Variants in ARV1 observed in about 807,000 individuals in gnomAD.
The protein encoded by ARV1 is protein ARV1.
ARV1 carries 26 observed loss-of-function variants against 31.1 expected under a neutral mutation model. The ratio of observed to expected loss-of-function variants is 0.84; its 90% confidence interval spans 0.61 to 1.16. The LOEUF is 1.16. Among genes scored for constraint, ARV1 ranks in the 50% most tolerant of loss-of-function variants. The probability of loss-of-function intolerance (pLI) is 0.00; values close to 1 mark genes in which losing one functional copy is unlikely to be tolerated. For synonymous variants in ARV1, 117 were observed against 123.2 expected, an observed-to-expected ratio of 0.95 and a Z score of 0.34; for missense variants, 281 against 324.9, an observed-to-expected ratio of 0.86 and a Z score of 1.04.
intron 3 of ARV1, among the ~76,000 whole-genome samples, chr1:230,991,016 G>T (rs1679214717): frequency 6.6e-6 from 1 of 152,120 alleles, no homozygotes; most frequent in Admixed American, 6.6e-5. Context: ...ATAGGGTTTG[G>T]TATTTTTTGT....
Position 230,995,815 on chromosome 1 carries a change from GA to G in ARV1, c.505del (p.Thr169ArgfsTer12). ...CCTTCCTGTGGGTAGAACGGCCCAT[GA>G]CGGCAAAAAAAAAGCCCAACTTCAT... ...FTFLWVERPM[T>X]AKKKPNFILL... On this transcript the variant is annotated frameshift_variant, in exon 4 of 6. Transcript: ENST00000310256. LOFTEE classifies it high-confidence loss of function. 1 of 1,613,840 alleles carries G rather than the reference GA, an allele frequency of 6.2e-7. No individual in the cohort carries two copies. Among genetic ancestry groups the G allele is most frequent in the Non-Finnish European group, 8.5e-7 (1 of 1,179,958 alleles).
intron 1 of ARV1, among the ~76,000 whole-genome samples, chr1:230,984,137 C>T (rs1178380829): frequency 6.6e-6 from 1 of 152,146 alleles, no homozygotes; most frequent in Non-Finnish European, 1.5e-5. Flanking sequence ...GTAGCCCCAA[C>T]TACTCAGGAG....
intron 1 of ARV1, among the ~76,000 whole-genome samples, chr1:230,987,271 T>A (rs1326651618): frequency 6.6e-6 from 1 of 152,230 alleles, no homozygotes; most frequent in Non-Finnish European, 1.5e-5. Context: ...GCATGCAATT[T>A]AAAACTTATG....
chr1:230,990,095 G>A lies in ARV1; in HGVS notation c.295-15G>A, dbSNP rs1236564105. The A allele has an allele frequency of 6.3e-7, 1 of 1,596,862 alleles. No individual in the cohort carries two copies. Reference sequence around the variant, plus strand: ...TTTCCTTACCTAATTGAATGGCAATGTCTTTGACTATCAGATCCATGGAAA... The same window carrying A: ...TTTCCTTACCTAATTGAATGGCAATATCTTTGACTATCAGATCCATGGAAA... On this transcript the variant is annotated splice_polypyrimidine_tract_variant and intron_variant, in intron 2 of 5. Transcript: ENST00000310256.
Position 230,984,367 on chromosome 1 carries a change from T to TGCGC in ARV1, c.175-3952_175-3951insCGCG, listed in dbSNP as rs546399640. ...TCGTGTGTGTGTGTGTGTGTGCGTG[T>TGCGC]GTGTGTGTGTGTGTGTGTGTGTGTG... On this transcript the variant is annotated intron_variant, in intron 1 of 5. Transcript: ENST00000310256. Among the ~76,000 whole-genome samples, 238 of 124,354 alleles carry TGCGC rather than the reference T, an allele frequency of 1.9e-3. 1 individual carries two copies. The highest frequency in any genetic ancestry group is 7.9e-3 in the Middle Eastern group (2 of 252). 81.6% of individuals were successfully genotyped at this position (124,354 alleles called of 152,430 possible). A position where few individuals can be genotyped will look rare whatever the true frequency, so the allele number is the denominator to read the frequency against.
At chr1:230,985,226 GA>G (rs1366812831) in intron 1 of ARV1, among the ~76,000 whole-genome samples, 1 of 152,172 alleles carries the variant, frequency 6.6e-6, no homozygotes, top group Non-Finnish European at 1.5e-5. Context: ...GCTAAGAAGG[GA>G]AATGGGCAAA....
rs200832898 is a variant in ARV1 at position 230,980,333 on chromosome 1, T to TTTC, written c.174+1056_174+1057insCTT. Among the ~76,000 whole-genome samples, 9 of 152,110 alleles carry TTTC rather than the reference T, an allele frequency of 5.9e-5. No individual in the cohort carries two copies. In the East Asian group the frequency reaches 7.7e-4, roughly 13 times the overall value. On this transcript the variant is annotated intron_variant, in intron 1 of 5. Transcript: ENST00000310256. ...TCTGGCAATCTTATTTCGGTTTTTT[T>TTTC]TTTCTTTCTTTCTTTCTTTTTGAGA... is the stretch of plus-strand genomic sequence containing the variant.
In ARV1 at chr1:230,994,754, C is replaced by G. The variant is rs1326867210; in HGVS notation, c.449-1006C>G. On this transcript the variant is annotated intron_variant, in intron 3 of 5. Coordinates refer to ENST00000310256, the MANE Select transcript of ARV1 (RefSeq NM_022786.3). ...AGAGACGGGGTTTCACCGTGTTAGCCAGGATGATCTCAATCTCCTGACCTT... is the reference window on the plus strand; with the variant it reads ...AGAGACGGGGTTTCACCGTGTTAGCGAGGATGATCTCAATCTCCTGACCTT... 5.3e-5 allele frequency among the ~76,000 whole-genome samples: 8 copies of G among 152,202 alleles called. No individual in the cohort carries two copies. The East Asian group carries it at 1.5e-3, about 29-fold the overall frequency.
chr1:230,997,607 TC>T (rs1285816122), intron 5 of ARV1, among the ~76,000 whole-genome samples: 1 of 152,044 alleles, frequency 6.6e-6, no homozygotes, highest in African/African-American at 2.4e-5. Context: ...CACCCTCCCT[TC>T]CCCCATGCCA....
chr1:230,990,588 T>C, intron 3 of ARV1: 1 of 289,618 alleles, frequency 3.5e-6, no homozygotes, highest in Non-Finnish European at 6.7e-6. Flanking sequence ...AGGGTCTCAC[T>C]CTGTTGCCTA....
At chr1:230,990,062 C>G (rs1427177784) in intron 2 of ARV1, 48 bp from the exon 3 acceptor site, 1 of 1,552,550 alleles carries the variant, frequency 6.4e-7, no homozygotes, top group Non-Finnish European at 8.7e-7. Flanking sequence ...GATACTAGTG[C>G]AACTGGGTTT....
In ARV1 at chr1:230,984,361, T is replaced by TGTGTGTGTGCGC. The variant is rs10628275; in HGVS notation, c.175-3958_175-3957insTGTGTGTGCGCG. Among the ~76,000 whole-genome samples, 516 of 103,394 alleles carry TGTGTGTGTGCGC rather than the reference T, an allele frequency of 5.0e-3. 4 individuals carry two copies. Among genetic ancestry groups the TGTGTGTGTGCGC allele is most frequent in the African/African-American group, 0.023 (488 of 21,554 alleles). 67.8% of individuals were successfully genotyped at this position (103,394 alleles called of 152,430 possible). On this transcript the variant is annotated intron_variant, in intron 1 of 5. Coordinates refer to ENST00000310256, the MANE Select transcript of ARV1 (RefSeq NM_022786.3). ...TTTGTTTCGTGTGTGTGTGTGTGTG[T>TGTGTGTGTGCGC]GCGTGTGTGTGTGTGTGTGTGTGTG...
chr1:230,996,072 CT>C, intron 4 of ARV1, 88 bp downstream of exon 4: 2 of 996,782 alleles, frequency 2.0e-6, no homozygotes, highest in Non-Finnish European at 3.0e-6. Context: ...TTTATATAAC[CT>C]GTTGAACACT....
chr1:230,993,657 G>C lies in ARV1; in HGVS notation c.449-2103G>C, dbSNP rs145606434. ...CACCTGTAATCCCAGCACTTTGGGA[G>C]GCCAAGACAGGTGGATTACTTGAGC... is the stretch of plus-strand genomic sequence containing the variant. On this transcript the variant is annotated intron_variant, in intron 3 of 5. Coordinates refer to ENST00000310256, the MANE Select transcript of ARV1 (RefSeq NM_022786.3). 6.6e-3 allele frequency among the ~76,000 whole-genome samples: 1,001 copies of C among 152,292 alleles called. 9 individuals carry two copies. The highest frequency in any genetic ancestry group is 0.023 in the African/African-American group (952 of 41,568).
In ARV1 at chr1:230,981,365, C is replaced by T. The variant is rs189979261; in HGVS notation, c.174+2086C>T. 2.6e-4 allele frequency among the ~76,000 whole-genome samples: 39 copies of T among 152,340 alleles called. No homozygotes were observed. In the East Asian group the frequency reaches 4.6e-3, roughly 18 times the overall value. On this transcript the variant is annotated intron_variant, in intron 1 of 5. Coordinates refer to ENST00000310256, the MANE Select transcript of ARV1 (RefSeq NM_022786.3). ...ACTTCTCCACTTGGATTTCAATAGA[C>T]AGCTCAAATATACCCATCACAGTTA...
intron 3 of ARV1, among the ~76,000 whole-genome samples, chr1:230,992,328 T>C (rs891746486): frequency 6.6e-6 from 1 of 152,086 alleles, no homozygotes; most frequent in African/African-American, 2.4e-5. Context: ...GCTCTTCCTG[T>C]GCCCGGAATG....
intron 1 of ARV1, among the ~76,000 whole-genome samples, chr1:230,982,034 G>C (rs1401096901): frequency 1.3e-5 from 2 of 152,072 alleles, no homozygotes; most frequent in African/African-American, 4.8e-5. Flanking sequence ...TTGTAATCTT[G>C]TATATAATTG....
At chr1:230,995,644 G>A (rs1306095739) in intron 3 of ARV1, 116 bp from the exon 4 acceptor site, 1 of 727,404 alleles carries the variant, frequency 1.4e-6, no homozygotes, top group African/African-American at 1.8e-5. Context: ...TCTTGAGAAA[G>A]TATTTCTTAT....
At chr1:230,984,222 GCCTAGGCGACAGAGTGAGA>G (rs1033437871) in intron 1 of ARV1, among the ~76,000 whole-genome samples, 3 of 152,154 alleles carry the variant, frequency 2.0e-5, no homozygotes, top group African/African-American at 7.2e-5. Context: ...TGCACTCCAG[GCCTAGGCGACAGAGTGAGA>G]CCTTGTCTCA....
Sources: allele counts gnomAD v4.1 joint callset (sites outside exome capture counted in the v4.1 genomes callset), GRCh38; gene constraint gnomAD v4.1.1; transcripts MANE v1.5; gene names NCBI Gene and HGNC (gene_info 2026-07-23, HGNC 2026-07-21).